ABLIM2: variants seen among roughly 807,000 people sequenced by gnomAD.
ABLIM2 encodes the protein actin binding LIM protein family member 2, also known as actin-binding LIM protein 2.
In ABLIM2, 53 loss-of-function variants were observed where a neutral mutation model predicts 97.7. That is an observed-to-expected ratio of 0.54 (90% CI 0.44 to 0.68). The LOEUF (loss-of-function observed/expected upper bound fraction) is 0.68, where lower values mean the gene tolerates loss of function less well. ABLIM2 is among the 30% of genes least tolerant of loss of function. ABLIM2 has a pLI of 0.00. For missense variants in ABLIM2, 835 were observed against 867.2 expected (o/e 0.96, Z 0.47); for synonymous variants, 361 against 345.8 (o/e 1.04, Z -0.49).
intron 16 of ABLIM2, 81 bp downstream of exon 16, chr4:8,007,978 G>C (rs1762502130): frequency 1.9e-6 from 3 of 1,577,874 alleles, no homozygotes; most frequent in Non-Finnish European, 2.6e-6. Flanking sequence ...AGATGTAGGG[G>C]GATAGCTCTG....
chr4:8,020,846 C>CTTTTTTTTTT (rs34799650), intron 12 of ABLIM2: 1 of 94,720 alleles, frequency 1.1e-5, no homozygotes, highest in Non-Finnish European at 2.0e-5. Flanking sequence ...TTACCACATT[C>CTTTTTTTTTT]TTTTTTTTTT....
intron 1 of ABLIM2, among the ~76,000 whole-genome samples, chr4:8,153,453 A>C (rs976850361): frequency 1.3e-5 from 2 of 152,216 alleles, no homozygotes; most frequent in Non-Finnish European, 2.9e-5. Flanking sequence ...GACCAGGTTA[A>C]GCGGAGACTG....
intron 3 of ABLIM2, 120 bp downstream of exon 3, chr4:8,096,979 G>C (rs1004203812): frequency 8.0e-7 from 1 of 1,252,182 alleles, no homozygotes; most frequent in Non-Finnish European, 1.1e-6. Flanking sequence ...GAACAGCCTC[G>C]CTGCAGGATG....
Position 8,049,815 on chromosome 4 carries a change from G to A in ABLIM2, c.822+4373C>T, listed in dbSNP as rs538542011. Among the ~76,000 whole-genome samples the A allele has an allele frequency of 1.6e-3, 245 of 152,222 alleles. 3 individuals carry two copies. The highest frequency in any genetic ancestry group is 5.8e-3 in the African/African-American group (239 of 41,536). The stretch of plus-strand genomic sequence containing the variant: ...ATGATCTTGACTCACTGCAACCTCT[G>A]CCTCCCGTCTCAAGCGATTCTCGTG... On this transcript the variant is annotated intron_variant, in intron 8 of 20. Transcript: ENST00000447017.
At chr4:8,066,748 G>A (rs1008651024) in intron 6 of ABLIM2, 2 of 152,116 alleles carry the variant, frequency 1.3e-5, no homozygotes, top group Non-Finnish European at 2.9e-5. Context: ...GGCTGGGGGA[G>A]GAGGGAATGG....
intron 4 of ABLIM2, among the ~76,000 whole-genome samples, chr4:8,081,390 T>C (rs1819722312): frequency 6.6e-6 from 1 of 152,172 alleles, no homozygotes; most frequent in Non-Finnish European, 1.5e-5. Flanking sequence ...TCACTTGTCC[T>C]GTGTCCCAGG....
chr4:8,117,038 C>A (rs1004884785), intron 1 of ABLIM2, among the ~76,000 whole-genome samples: 5 of 152,234 alleles, frequency 3.3e-5, no homozygotes, highest in African/African-American at 9.7e-5. Flanking sequence ...TGGCTCCAGA[C>A]CTCTCTAGAG....
rs1250831831 is a variant in ABLIM2, at chr4:8,044,691, C to T, written c.900+473G>A. Among the ~76,000 whole-genome samples, 2 of 73,712 alleles carry T rather than the reference C, an allele frequency of 2.7e-5. No individual in the cohort carries two copies. Among genetic ancestry groups the T allele is most frequent in the Non-Finnish European group, 5.8e-5 (2 of 34,420 alleles). 48.4% of individuals were successfully genotyped at this position (73,712 alleles called of 152,430 possible). A position where few individuals can be genotyped will look rare whatever the true frequency, so the allele number is the denominator to read the frequency against. ...AGAGTCTCTCTCTCTCTCTCTCTCT[C>T]GAACGAACGAAAACGGGATCACATA... On this transcript the variant is annotated intron_variant, in intron 9 of 20. Transcript: ENST00000447017. The surrounding 1 kb of genome is among the most constrained non-coding windows in gnomAD (Gnocchi z 4.4).
In ABLIM2 at chr4:8,003,216, A is replaced by C. The variant is rs1758459667; in HGVS notation, c.1618+4843T>G. ...AGTCAAAAATGCATTGAATGCACCTAACCTAGCAAACACCATGGCTTAGCC... is the reference window on the plus strand; with the variant it reads ...AGTCAAAAATGCATTGAATGCACCTCACCTAGCAAACACCATGGCTTAGCC... On this transcript the variant is annotated intron_variant, in intron 16 of 20. Transcript: ENST00000447017. The surrounding 1 kb of genome is among the most constrained non-coding windows in gnomAD (Gnocchi z 4.2). Among the ~76,000 whole-genome samples the C allele has an allele frequency of 6.6e-6, 1 of 152,232 alleles. No homozygotes were observed. Among genetic ancestry groups the C allele is most frequent in the African/African-American group, 2.4e-5 (1 of 41,470 alleles).
At chr4:8,031,245 T>C (rs1780738781) in intron 10 of ABLIM2, among the ~76,000 whole-genome samples, 1 of 152,196 alleles carries the variant, frequency 6.6e-6, no homozygotes, top group Admixed American at 6.5e-5. Context: ...CAAGTGTGCA[T>C]GATTTTGTGC....
chr4:8,104,704 C>T (rs2152735441), intron 2 of ABLIM2, among the ~76,000 whole-genome samples: 1 of 152,278 alleles, frequency 6.6e-6, no homozygotes, highest in South Asian at 2.1e-4. Context: ...TTCCCTAAGT[C>T]ACCGACCCCC....
At chr4:8,000,710 G>C (rs1408845246) in intron 16 of ABLIM2, among the ~76,000 whole-genome samples, 1 of 152,132 alleles carries the variant, frequency 6.6e-6, no homozygotes, top group Non-Finnish European at 1.5e-5. Flanking sequence ...GCTGTCCCCG[G>C]AGGCTTTGGG....
At position 8,128,029 on chromosome 4, in the gene ABLIM2, CA is replaced by C. The variant is rs1848704523; in HGVS notation, c.11-21393del. ...CGGATTCTCTCGCAGTTCTGGGGGCCAGAAGTCTGACATGAAGGTGCCAGCA... is the reference window on the plus strand; with the variant it reads ...CGGATTCTCTCGCAGTTCTGGGGGCCGAAGTCTGACATGAAGGTGCCAGCA... On this transcript the variant is annotated intron_variant, in intron 1 of 20. Coordinates refer to ENST00000447017, the MANE Select transcript of ABLIM2 (RefSeq NM_001130083.2). This position sits in a 1 kb window ranked among gnomAD's most constrained non-coding sequence, Gnocchi z 4.9. Among the ~76,000 whole-genome samples, 1 of 152,180 alleles carries C rather than the reference CA, an allele frequency of 6.6e-6. No homozygotes were observed. Among genetic ancestry groups the C allele is most frequent in the Admixed American group, 6.5e-5 (1 of 15,270 alleles).
Position 8,005,383 on chromosome 4 carries a change from G to A in ABLIM2, c.1618+2676C>T, listed in dbSNP as rs1361219112. ...CATTTATTGAGTGCCCACTGTGTTG[G>A]GTGTCACAATCCTACCTTCCTTGGG... is the stretch of plus-strand genomic sequence containing the variant. On this transcript the variant is annotated intron_variant, in intron 16 of 20. Coordinates refer to ENST00000447017, the MANE Select transcript of ABLIM2 (RefSeq NM_001130083.2). This position sits in a 1 kb window ranked among gnomAD's most constrained non-coding sequence, Gnocchi z 4.9. 1 of 533,726 alleles carries A rather than the reference G, an allele frequency of 1.9e-6. No individual in the cohort carries two copies. The highest frequency in any genetic ancestry group is 1.4e-5 in the South Asian group (1 of 71,532). The allele number at this position is 533,726 out of a possible 1,614,324, so 33.1% of individuals were successfully genotyped here. A position where few individuals can be genotyped will look rare whatever the true frequency, so the allele number is the denominator to read the frequency against.
chr4:8,146,000 T>C (rs1047749747), intron 1 of ABLIM2, among the ~76,000 whole-genome samples: 2 of 152,122 alleles, frequency 1.3e-5, no homozygotes, highest in Non-Finnish European at 2.9e-5. Flanking sequence ...AGTGAAAACA[T>C]AGAACAGCAA....
Position 8,077,623 on chromosome 4 carries a change from C to A in ABLIM2, c.675+5G>T, listed in dbSNP as rs201056469. The A allele has an allele frequency of 9.3e-6, 15 of 1,606,134 alleles. No homozygotes were observed. The highest frequency in any genetic ancestry group is 6.8e-6 in the Non-Finnish European group (8 of 1,175,992). On this transcript the variant is annotated splice_donor_5th_base_variant and intron_variant, in intron 6 of 20. Transcript: ENST00000447017. ...GCGGGCAGGGGCCCGGCCCGCCGCG[C>A]TTACCTCCAGCACGCGCCCCGTGAT...
chr4:8,135,370 C>T (rs1214654225), intron 1 of ABLIM2, among the ~76,000 whole-genome samples: 3 of 152,198 alleles, frequency 2.0e-5, no homozygotes, highest in East Asian at 3.9e-4. Context: ...TGTCTGAATG[C>T]CTGCGTTCCC....
intron 10 of ABLIM2, 32 bp from the exon 11 acceptor site, chr4:8,029,808 G>C: frequency 6.4e-7 from 1 of 1,555,384 alleles, no homozygotes; most frequent in Non-Finnish European, 8.7e-7. Flanking sequence ...GTGAACACTG[G>C]AGCCGGGAGC....
At chr4:7,983,467 G>A in intron 19 of ABLIM2, 80 bp downstream of exon 19, 2 of 1,596,620 alleles carry the variant, frequency 1.3e-6, no homozygotes, top group Non-Finnish European at 8.5e-7. Flanking sequence ...CATTTCATAG[G>A]TAAAGCACAA....
Sources: allele counts gnomAD v4.1 joint callset (sites outside exome capture counted in the v4.1 genomes callset), GRCh38; gene constraint gnomAD v4.1.1; non-coding constraint Gnocchi (gnomAD v3.1); transcripts MANE v1.5; gene names NCBI Gene and HGNC (gene_info 2026-07-23, HGNC 2026-07-21).